Variants in ABCB1 observed in about 807,000 individuals in gnomAD.
ABCB1 encodes ATP-dependent translocase ABCB1.
ABCB1 carries 69 observed loss-of-function variants against 142.0 expected under a neutral mutation model. That is an observed-to-expected ratio of 0.49 (90% CI 0.40 to 0.59). The LOEUF (loss-of-function observed/expected upper bound fraction) is 0.59. Among genes scored for constraint, ABCB1 ranks in the 20% least tolerant of loss-of-function variants. The pLI is 0.00. For synonymous variants in ABCB1, 532 were observed against 539.2 expected (o/e 0.99, Z 0.18); for missense variants, 1,326 against 1,554.7 (o/e 0.85, Z 2.47).
intron 19 of ABCB1, 110 bp downstream of exon 19, chr7:87,539,158 C>A (rs1472719791): frequency 6.0e-6 from 7 of 1,170,516 alleles, no homozygotes; most frequent in Non-Finnish European, 8.8e-6. Flanking sequence ...GAGGGACAAC[C>A]AATATAGGAG....
intron 1 of ABCB1, among the ~76,000 whole-genome samples, chr7:87,610,212 T>C (rs2130048678): frequency 6.6e-6 from 1 of 151,422 alleles, no homozygotes; most frequent in African/African-American, 2.4e-5. Flanking sequence ...TGTTCTTATG[T>C]ACGAACTAGC....
intron 1 of ABCB1, among the ~76,000 whole-genome samples, chr7:87,651,096 C>A (rs966537107): frequency 1.3e-5 from 2 of 152,116 alleles, no homozygotes; most frequent in Non-Finnish European, 2.9e-5. Context: ...AGCCTCTGTT[C>A]TCAGATTTAC....
intron 1 of ABCB1, among the ~76,000 whole-genome samples, chr7:87,655,907 T>C (rs951454768): frequency 1.3e-5 from 2 of 152,080 alleles, no homozygotes; most frequent in South Asian, 4.1e-4. Flanking sequence ...AGGGAGTTTG[T>C]CCTTTTTTGC....
chr7:87,627,662 C>T (rs947619374), intron 1 of ABCB1: 1 of 152,254 alleles, frequency 6.6e-6, no homozygotes, highest in Non-Finnish European at 1.5e-5. Flanking sequence ...ACACGCGCGT[C>T]GAGGAGGGCG....
chr7:87,520,217 A>ATT (rs28401777), intron 22 of ABCB1, among the ~76,000 whole-genome samples: 1 of 151,828 alleles, frequency 6.6e-6, no homozygotes, highest in South Asian at 2.1e-4. Context: ...CTCTACCATC[A>ATT]TTTTTTTTAA....
At chr7:87,624,888 C>T (rs1820350503) in intron 1 of ABCB1, among the ~76,000 whole-genome samples, 1 of 152,196 alleles carries the variant, frequency 6.6e-6, no homozygotes, top group Non-Finnish European at 1.5e-5. Context: ...AAGAAAAACA[C>T]AGCTTGTTTA....
intron 1 of ABCB1, among the ~76,000 whole-genome samples, chr7:87,652,610 T>C (rs192827855): frequency 6.1e-4 from 75 of 123,704 alleles, no homozygotes; most frequent in African/African-American, 3.0e-3. Context: ...CAGTTGACTC[T>C]TGTGGTCACT....
chr7:87,595,877 A>G (rs908665621), intron 2 of ABCB1, 63 bp from the exon 3 acceptor site: 3 of 1,272,564 alleles, frequency 2.4e-6, no homozygotes, highest in Non-Finnish European at 3.4e-6. Context: ...AATTACCCAA[A>G]TTAACATAGA....
chr7:87,568,450 A>G (rs887369998), intron 5 of ABCB1, among the ~76,000 whole-genome samples: 13 of 151,996 alleles, frequency 8.6e-5, no homozygotes, highest in Admixed American at 5.2e-4. Flanking sequence ...GGGCTTCACT[A>G]AACAATTAAT....
intron 1 of ABCB1, among the ~76,000 whole-genome samples, chr7:87,649,645 A>G (rs10486996): frequency 0.031 from 4,746 of 152,288 alleles, 73 homozygotes; most frequent in Middle Eastern, 0.048. Flanking sequence ...TACACTTTAC[A>G]GATTTGCAGG....
Position 87,626,399 on chromosome 7 carries a change from A to G in ABCB1, c.-330-25321T>C, listed in dbSNP as rs536471097. Among the ~76,000 whole-genome samples the G allele has an allele frequency of 1.6e-4, 4 of 25,080 alleles. 2 individuals carry two copies. The South Asian group carries it at 9.4e-3, about 59-fold the overall frequency. 16.5% of individuals were successfully genotyped at this position (25,080 alleles called of 152,430 possible). A position where few individuals can be genotyped will look rare whatever the true frequency, so the allele number is the denominator to read the frequency against. ...TATGTATGTGTCATATATATGTGTC[A>G]TATGTATGTGTCATATATATGTGTC... On this transcript the variant is annotated intron_variant, in intron 1 of 28. Coordinates refer to the ABCB1 transcript ENST00000265724.
intron 1 of ABCB1, among the ~76,000 whole-genome samples, chr7:87,689,239 C>T (rs1563135648): frequency 6.6e-6 from 1 of 151,932 alleles, no homozygotes; most frequent in Non-Finnish European, 1.5e-5. Flanking sequence ...TACAATTAAT[C>T]CAATTTCATG....
At chr7:87,703,797 A>G (rs567096407) in intron 1 of ABCB1, among the ~76,000 whole-genome samples, 1 of 135,744 alleles carries the variant, frequency 7.4e-6, no homozygotes, top group African/African-American at 2.8e-5. Flanking sequence ...TAATTCATTT[A>G]CTTACTTTTT....
intron 1 of ABCB1, among the ~76,000 whole-genome samples, chr7:87,679,679 T>C (rs1229792842): frequency 6.6e-6 from 1 of 150,446 alleles, no homozygotes; most frequent in Non-Finnish European, 1.5e-5. Context: ...TGTGAACCAC[T>C]GTGCCTGGCC....
chr7:87,593,371 G>T (rs1819073132), intron 3 of ABCB1, among the ~76,000 whole-genome samples: 1 of 152,242 alleles, frequency 6.6e-6, no homozygotes, highest in African/African-American at 2.4e-5. Flanking sequence ...AATTTAAAAG[G>T]CTAGTATAGA....
rs139924261 is a variant in ABCB1 at position 87,548,260 on chromosome 7, G to A, written c.1725+1088C>T. 3.5e-5 allele frequency among the ~76,000 whole-genome samples: 5 copies of A among 144,354 alleles called. No individual in the cohort carries two copies. The East Asian group carries it at 1.0e-3, about 30-fold the overall frequency. 94.7% of individuals were successfully genotyped at this position (144,354 alleles called of 152,430 possible). A position where few individuals can be genotyped will look rare whatever the true frequency, so the allele number is the denominator to read the frequency against. ...GGAAGGGAAGGGAAAGAAAGGGAAG[G>A]GAAGGGAAAGGAAATGAAAGGAAGG... On this transcript the variant is annotated intron_variant, in intron 14 of 27. Transcript: ENST00000622132.
chr7:87,536,657 A>C, intron 19 of ABCB1, 116 bp from the exon 20 acceptor site: 1 of 807,022 alleles, frequency 1.2e-6, no homozygotes, highest in Non-Finnish European at 2.1e-6. Context: ...TTTAGTACTC[A>C]GGATGTGACA....
chr7:87,669,195 T>G (rs894309566), intron 1 of ABCB1, among the ~76,000 whole-genome samples: 1 of 152,146 alleles, frequency 6.6e-6, no homozygotes, highest in Non-Finnish European at 1.5e-5. Context: ...GGTATTTAGG[T>G]TTTTTTGTTG....
chr7:87,711,760 A>G (rs1454293892), intron 1 of ABCB1, among the ~76,000 whole-genome samples: 1 of 152,302 alleles, frequency 6.6e-6, no homozygotes, highest in East Asian at 1.9e-4. Flanking sequence ...CATGTAGCTA[A>G]TGGTAACCCA....
Sources: gnomAD v4.1 joint callset for allele counts (sites outside exome capture counted in the v4.1 genomes callset) on GRCh38, gnomAD v4.1.1 for gene constraint, MANE v1.5 for transcripts, NCBI Gene and HGNC (gene_info 2026-07-23, HGNC 2026-07-21) for gene names.